TRAF3: variants seen among roughly 807,000 people sequenced by gnomAD.
The protein encoded by TRAF3 is TNF receptor-associated factor 3.
A neutral mutation model predicts 62.3 loss-of-function variants in TRAF3; 13 were observed. The ratio of observed to expected loss-of-function variants is 0.21; its 90% confidence interval spans 0.14 to 0.33. The LOEUF (loss-of-function observed/expected upper bound fraction) is 0.33. TRAF3 is among the 10% of genes least tolerant of loss of function. The probability of loss-of-function intolerance (pLI) is 1.00; values close to 1 mark genes in which losing one functional copy is unlikely to be tolerated. For synonymous variants in TRAF3, 269 were observed against 283.4 expected (o/e 0.95, Z 0.51); for missense variants, 440 against 741.8 (o/e 0.59, Z 4.73).
chr14:102,864,147 CTTTT>C (rs1022782387), intron 2 of TRAF3, among the ~76,000 whole-genome samples: 1 of 133,938 alleles, frequency 7.5e-6, no homozygotes, highest in Non-Finnish European at 1.6e-5. Context: ...TTGCCTTTTT[CTTTT>C]TTTTTTTTTT....
At chr14:102,778,115 G>A (rs912786517) in intron 1 of TRAF3, among the ~76,000 whole-genome samples, 1 of 150,702 alleles carries the variant, frequency 6.6e-6, no homozygotes, top group Non-Finnish European at 1.5e-5. Flanking sequence ...GGCCGGGGGG[G>A]CCCGGGCGTT....
At chr14:102,815,040 A>T (rs1899430448) in intron 1 of TRAF3, among the ~76,000 whole-genome samples, 1 of 151,972 alleles carries the variant, frequency 6.6e-6, no homozygotes, top group South Asian at 2.1e-4. Context: ...AGCTCAAGGG[A>T]GCCTACTGCC....
At chr14:102,794,041 C>T (rs1020432287) in intron 1 of TRAF3, among the ~76,000 whole-genome samples, 15 of 152,170 alleles carry the variant, frequency 9.9e-5, no homozygotes, top group South Asian at 2.1e-4. Context: ...GGGGATCCTC[C>T]CTCTCCTTGT....
chr14:102,842,520 G>A (rs1886437964), intron 2 of TRAF3, among the ~76,000 whole-genome samples: 1 of 151,898 alleles, frequency 6.6e-6, no homozygotes, highest in African/African-American at 2.4e-5. Flanking sequence ...CTTAAGATAT[G>A]TATAACCTAG....
intron 3 of TRAF3, among the ~76,000 whole-genome samples, 166 bp downstream of exon 3, chr14:102,870,612 G>A (rs1888285051): frequency 6.6e-6 from 1 of 152,208 alleles, no homozygotes; most frequent in Non-Finnish European, 1.5e-5. Flanking sequence ...GGTGCAGTGG[G>A]ATCCCACGTG....
intron 1 of TRAF3, among the ~76,000 whole-genome samples, chr14:102,785,647 C>G (rs912096033): frequency 7.2e-5 from 11 of 152,146 alleles, no homozygotes; most frequent in African/African-American, 2.7e-4. Context: ...GCATGGAAGC[C>G]CTTACCACTG....
chr14:102,895,503 C>T (rs541975394), intron 9 of TRAF3, among the ~76,000 whole-genome samples: 1 of 152,308 alleles, frequency 6.6e-6, no homozygotes, highest in African/African-American at 2.4e-5. Context: ...TGCCCTCGGG[C>T]CATCACCTTT....
intron 1 of TRAF3, among the ~76,000 whole-genome samples, chr14:102,806,939 C>T (rs1268683639): frequency 6.6e-6 from 1 of 152,128 alleles, no homozygotes; most frequent in Non-Finnish European, 1.5e-5. Context: ...TCCTCCCTAC[C>T]CCCATCCAGA....
intron 2 of TRAF3, among the ~76,000 whole-genome samples, chr14:102,842,706 A>C (rs1043218010): frequency 6.6e-6 from 1 of 152,212 alleles, no homozygotes; most frequent in South Asian, 2.1e-4. Flanking sequence ...GATCAAGATC[A>C]AAAGCTTTCA....
intron 10 of TRAF3, among the ~76,000 whole-genome samples, chr14:102,900,754 C>T (rs751047722): frequency 7.2e-5 from 11 of 152,350 alleles, no homozygotes; most frequent in Non-Finnish European, 1.5e-4. Flanking sequence ...GCAGGTGACA[C>T]GGTTGCAGCC....
intron 9 of TRAF3, among the ~76,000 whole-genome samples, chr14:102,892,638 C>T (rs1341610246): frequency 4.6e-5 from 7 of 152,198 alleles, no homozygotes; most frequent in Non-Finnish European, 1.0e-4. Flanking sequence ...ATTAGAACAG[C>T]CAGTGGAGTT....
intron 2 of TRAF3, among the ~76,000 whole-genome samples, chr14:102,863,610 A>T (rs1302255220): frequency 6.6e-6 from 1 of 152,172 alleles, no homozygotes; most frequent in Non-Finnish European, 1.5e-5. Context: ...AGCCCTGGGC[A>T]TTTGTGGAGC....
chr14:102,894,932 G>A, intron 9 of TRAF3: 1 of 337,510 alleles, frequency 3.0e-6, no homozygotes, highest in South Asian at 2.4e-5. Context: ...AATTCCTTGG[G>A]CTCAAGTGGT....
intron 2 of TRAF3, among the ~76,000 whole-genome samples, chr14:102,844,217 T>G (rs923273324): frequency 5.3e-5 from 8 of 152,270 alleles, no homozygotes; most frequent in Admixed American, 5.2e-4. Flanking sequence ...TCTGAGTATG[T>G]GATTGTATCA....
At chr14:102,856,798 T>G (rs28764883) in intron 2 of TRAF3, among the ~76,000 whole-genome samples, 3,524 of 152,248 alleles carry the variant, frequency 0.023, 131 homozygotes, top group African/African-American at 0.08. Flanking sequence ...TGTAACTTCT[T>G]CAGGCTGAAT....
chr14:102,900,428 G>A (rs1422029012), intron 10 of TRAF3, among the ~76,000 whole-genome samples: 1 of 152,236 alleles, frequency 6.6e-6, no homozygotes, highest in Non-Finnish European at 1.5e-5. Flanking sequence ...TTGAACCCAG[G>A]CGGCAGAGGT....
intron 1 of TRAF3, among the ~76,000 whole-genome samples, chr14:102,783,739 A>G (rs572084504): frequency 6.6e-6 from 1 of 152,274 alleles, no homozygotes; most frequent in African/African-American, 2.4e-5. Flanking sequence ...TGTCCACCCC[A>G]CAGCTGGAGA....
intron 1 of TRAF3, among the ~76,000 whole-genome samples, chr14:102,800,074 A>C (rs1166211853): frequency 6.6e-6 from 1 of 152,176 alleles, no homozygotes; most frequent in Non-Finnish European, 1.5e-5. Context: ...CTACTTTATT[A>C]GTGATTTATT....
Position 102,891,348 on chromosome 14 carries a change from C to G in TRAF3, c.750C>G (p.Ala250=), listed in dbSNP as rs1205797640. 6.2e-7 allele frequency: 1 copy of G among 1,613,400 alleles called. No homozygotes were observed. Among genetic ancestry groups the G allele is most frequent in the Admixed American group, 1.7e-5 (1 of 60,012 alleles). Residue 250 remains alanine, a synonymous_variant, in exon 9 of 12, where the codon GCC becomes GCG. Coordinates refer to ENST00000392745, the MANE Select transcript of TRAF3 (RefSeq NM_145725.3). ...AGGGGACAAACCAGCAGATCAAGGCCCACGAGGCCAGCTCCGCCGTGCAGC... is the reference window on the plus strand; with the variant it reads ...AGGGGACAAACCAGCAGATCAAGGCGCACGAGGCCAGCTCCGCCGTGCAGC... ...VFQGTNQQIK[A]HEASSAVQHV...
Sources: gnomAD v4.1 joint callset for allele counts (sites outside exome capture counted in the v4.1 genomes callset) on GRCh38, gnomAD v4.1.1 for gene constraint, MANE v1.5 for transcripts, NCBI Gene and HGNC (gene_info 2026-07-23, HGNC 2026-07-21) for gene names.